Variants in NUBPL observed in about 807,000 individuals in gnomAD.
The protein encoded by NUBPL is iron-sulfur cluster transfer protein NUBPL.
Under a neutral mutation model 45.7 loss-of-function variants are expected in NUBPL, and 31 were observed. The observed-to-expected ratio is 0.68, with a 90% CI of 0.51 to 0.92. The LOEUF (loss-of-function observed/expected upper bound fraction) is 0.92, where lower values mean the gene tolerates loss of function less well. NUBPL is among the 40% of genes least tolerant of loss of function. NUBPL has a pLI of 0.00. For synonymous variants in NUBPL, 144 were observed against 140.9 expected (o/e 1.02, Z -0.15); for missense variants, 401 against 398.7 (o/e 1.01, Z -0.05).
intron 6 of NUBPL, among the ~76,000 whole-genome samples, chr14:31,683,839 C>T (rs1030081345): frequency 6.6e-6 from 1 of 151,778 alleles, no homozygotes; most frequent in African/African-American, 2.4e-5. Context: ...TTATTTTTCC[C>T]TCCTTATTTT....
At chr14:31,755,518 G>A (rs1348343378) in intron 6 of NUBPL, among the ~76,000 whole-genome samples, 9 of 152,012 alleles carry the variant, frequency 5.9e-5, no homozygotes, top group Non-Finnish European at 1.2e-4. Context: ...GTCTGTTCAT[G>A]TCCTTCGCCC....
At chr14:31,660,006 T>G (rs2036230729) in intron 4 of NUBPL, among the ~76,000 whole-genome samples, 1 of 152,188 alleles carries the variant, frequency 6.6e-6, no homozygotes, top group African/African-American at 2.4e-5. Context: ...GAGAAAAGTA[T>G]GCTGAAGATA....
At chr14:31,761,872 TCTAA>T (rs973331117) in intron 6 of NUBPL, among the ~76,000 whole-genome samples, 29 of 152,308 alleles carry the variant, frequency 1.9e-4, no homozygotes, top group African/African-American at 6.7e-4. Flanking sequence ...CATCAAAGAA[TCTAA>T]CAAAGCATGG....
chr14:31,748,214 C>G (rs2140013688), intron 6 of NUBPL, among the ~76,000 whole-genome samples: 1 of 152,246 alleles, frequency 6.6e-6, no homozygotes, highest in East Asian at 1.9e-4. Context: ...GTTTTGTGGC[C>G]TAACATATGG....
intron 7 of NUBPL, among the ~76,000 whole-genome samples, chr14:31,807,843 C>T (rs1407219192): frequency 6.6e-6 from 1 of 152,186 alleles, no homozygotes; most frequent in Admixed American, 6.6e-5. Flanking sequence ...GTACATATGG[C>T]TAGCCAGTTT....
chr14:31,572,233 G>A (rs1170692365), intron 3 of NUBPL, among the ~76,000 whole-genome samples: 2 of 151,734 alleles, frequency 1.3e-5, no homozygotes, highest in Non-Finnish European at 2.9e-5. Context: ...TCCGCCTCCC[G>A]GGTTCACACC....
intron 4 of NUBPL, among the ~76,000 whole-genome samples, chr14:31,634,251 A>G (rs1192153744): frequency 1.3e-5 from 1 of 78,826 alleles, no homozygotes; most frequent in Non-Finnish European, 2.2e-5. Flanking sequence ...CCCCCACCCC[A>G]CAACAGTCCC....
intron 6 of NUBPL, among the ~76,000 whole-genome samples, chr14:31,774,116 T>C (rs2039057802): frequency 6.6e-6 from 1 of 152,222 alleles, no homozygotes; most frequent in African/African-American, 2.4e-5. Flanking sequence ...CCAGCAGAGC[T>C]CTCTGTCTTA....
chr14:31,768,528 C>G (rs1296482356), intron 6 of NUBPL, among the ~76,000 whole-genome samples: 2 of 152,138 alleles, frequency 1.3e-5, no homozygotes, highest in East Asian at 1.9e-4. Flanking sequence ...GCTTAACTAC[C>G]AGTCCTTTGA....
chr14:31,837,692 G>T (rs1307932887), intron 8 of NUBPL, among the ~76,000 whole-genome samples: 2 of 152,194 alleles, frequency 1.3e-5, no homozygotes, highest in African/African-American at 4.8e-5. Flanking sequence ...TTACAATTCA[G>T]TAAGGGGAAG....
intron 7 of NUBPL, among the ~76,000 whole-genome samples, chr14:31,802,658 T>A (rs554286728): frequency 6.8e-4 from 104 of 152,314 alleles, no homozygotes; most frequent in African/African-American, 2.4e-3. Context: ...CTTCCCAGTC[T>A]ACAGAGCAAT....
chr14:31,677,023 T>G (rs895519104), intron 6 of NUBPL, among the ~76,000 whole-genome samples: 1 of 152,030 alleles, frequency 6.6e-6, no homozygotes, highest in Non-Finnish European at 1.5e-5. Context: ...TTTTTTTTTC[T>G]TTTTTAAAAT....
At chr14:31,687,071 C>T (rs980820268) in intron 6 of NUBPL, among the ~76,000 whole-genome samples, 3 of 152,312 alleles carry the variant, frequency 2.0e-5, no homozygotes, top group African/African-American at 7.2e-5. Context: ...TGTGATCATG[C>T]TGCTGCACTC....
intron 6 of NUBPL, among the ~76,000 whole-genome samples, chr14:31,680,694 G>GT (rs2036811723): frequency 6.6e-6 from 1 of 151,920 alleles, no homozygotes; most frequent in African/African-American, 2.4e-5. Flanking sequence ...GGTGAATGTG[G>GT]TATTCGCATA....
intron 4 of NUBPL, among the ~76,000 whole-genome samples, chr14:31,623,861 T>C (rs2035135178): frequency 6.6e-6 from 1 of 151,932 alleles, no homozygotes; most frequent in Non-Finnish European, 1.5e-5. Context: ...GTTGCAAGAG[T>C]GAGAGCAGGG....
rs1202136852 is a variant in NUBPL at position 31,755,801 on chromosome 14, A to G, written c.514-31979A>G. On this transcript the variant is annotated intron_variant, in intron 6 of 10. Coordinates refer to ENST00000281081, the MANE Select transcript of NUBPL (RefSeq NM_025152.3). ...GCCTATGTCCTGAATGGTAATGCCT[A>G]GGTTTTCTTCTAGGGTTTTTATGGT... Among the ~76,000 whole-genome samples the G allele has an allele frequency of 2.6e-5, 4 of 151,428 alleles. No homozygotes were observed. The East Asian group carries it at 7.7e-4, about 29-fold the overall frequency.
At chr14:31,625,630 C>T (rs1443622907) in intron 4 of NUBPL, among the ~76,000 whole-genome samples, 3 of 151,936 alleles carry the variant, frequency 2.0e-5, no homozygotes, top group Non-Finnish European at 2.9e-5. Flanking sequence ...GGCATGCCAC[C>T]ACACCTGGCT....
intron 8 of NUBPL, among the ~76,000 whole-genome samples, chr14:31,831,809 G>A (rs1343273859): frequency 1.3e-5 from 2 of 152,206 alleles, no homozygotes; most frequent in African/African-American, 4.8e-5. Context: ...AAGATTATAA[G>A]AGGAGTTCAT....
At chr14:31,855,661 T>A (rs914008625) in intron 10 of NUBPL, among the ~76,000 whole-genome samples, 2 of 151,814 alleles carry the variant, frequency 1.3e-5, no homozygotes, top group African/African-American at 4.9e-5. Context: ...AAATGACTTT[T>A]AATACTTTTC....
Sources: allele counts gnomAD v4.1 joint callset (sites outside exome capture counted in the v4.1 genomes callset), GRCh38; gene constraint gnomAD v4.1.1; transcripts MANE v1.5; gene names NCBI Gene and HGNC (gene_info 2026-07-23, HGNC 2026-07-21).